The following EFNA2 variants were observed in gnomAD, a reference collection of about 807,000 sequenced individuals.
The protein encoded by EFNA2 is ephrin A2.
EFNA2 carries 18 observed loss-of-function variants against 19.7 expected under a neutral mutation model. That is an observed-to-expected ratio of 0.91 (90% CI 0.63 to 1.35). The LOEUF (loss-of-function observed/expected upper bound fraction) is 1.35, where lower values mean the gene tolerates loss of function less well. Ranked by LOEUF, EFNA2 falls within the 40% of genes most tolerant of loss-of-function variation. The pLI, the probability that EFNA2 is intolerant of heterozygous loss-of-function variation, is 0.00. For missense variants in EFNA2, 303 were observed against 296.0 expected, an observed-to-expected ratio of 1.02 and a Z score of -0.17; for synonymous variants, 187 against 137.8, an observed-to-expected ratio of 1.36 and a Z score of -2.50.
rs1361355961 is a variant in EFNA2 at position 1,286,189 on chromosome 19, G to A, written c.21G>A (p.Pro7=). The change falls in exon 1 of 4, where the codon CCG becomes CCA. Residue 7 remains proline, a synonymous_variant. Transcript: ENST00000215368. This position sits in a 1 kb window ranked among gnomAD's most constrained non-coding sequence, Gnocchi z 5.6. MAPAQR[P]LLPLLLLLLP... ...GGGCCATGGCGCCCGCGCAGCGCCC[G>A]CTGCTCCCGCTGCTGCTCCTGCTGT... The A allele has an allele frequency of 4.8e-6, 5 of 1,032,610 alleles. No homozygotes were observed. Among genetic ancestry groups the A allele is most frequent in the South Asian group, 3.2e-5 (1 of 30,924 alleles). 64.0% of individuals were successfully genotyped at this position (1,032,610 alleles called of 1,614,324 possible).
In EFNA2 at chr19:1,287,820, C is replaced by T. The variant is rs944060961; in HGVS notation, c.140+1512C>T. ...AAGTTTTTGGTTTCAGCTGCGGAATCTCCCGTCCCCAGCGTGGCCTGTCCT... is the reference window on the plus strand; with the variant it reads ...AAGTTTTTGGTTTCAGCTGCGGAATTTCCCGTCCCCAGCGTGGCCTGTCCT... On this transcript the variant is annotated intron_variant, in intron 1 of 3. Transcript: ENST00000215368. This position sits in a 1 kb window ranked among gnomAD's most constrained non-coding sequence, Gnocchi z 6.2. Among the ~76,000 whole-genome samples the T allele has an allele frequency of 2.0e-5, 3 of 152,276 alleles. No homozygotes were observed. The highest frequency in any genetic ancestry group is 4.4e-5 in the Non-Finnish European group (3 of 68,042).
chr19:1,295,870 C>A lies in EFNA2; in HGVS notation c.454+12C>A, dbSNP rs2081512243. The A allele has an allele frequency of 1.5e-6, 2 of 1,337,126 alleles. No homozygotes were observed. The highest frequency in any genetic ancestry group is 2.4e-5 in the Admixed American group (1 of 41,570). 82.8% of individuals were successfully genotyped at this position (1,337,126 alleles called of 1,614,324 possible). On this transcript the variant is annotated intron_variant, in intron 2 of 3. Coordinates refer to ENST00000215368, the MANE Select transcript of EFNA2 (RefSeq NM_001405.4). This position sits in a 1 kb window ranked among gnomAD's most constrained non-coding sequence, Gnocchi z 5.8. ...GTATTACTACATCTGTGAGTGGGGT[C>A]GGGCCGGGGCTGCCGGGGCCCGAGT...
At position 1,297,923 on chromosome 19, in the gene EFNA2, T is replaced by G. The variant is rs1272803981; in HGVS notation, c.455-628T>G. Among the ~76,000 whole-genome samples the G allele has an allele frequency of 6.6e-6, 1 of 151,710 alleles. No homozygotes were observed. Among genetic ancestry groups the G allele is most frequent in the Non-Finnish European group, 1.5e-5 (1 of 67,906 alleles). On this transcript the variant is annotated intron_variant, in intron 2 of 3. Transcript: ENST00000215368. The surrounding 1 kb of genome is among the most constrained non-coding windows in gnomAD (Gnocchi z 5.0). ...CCCGTTTCTACTAAAAATACAAAAA[T>G]TAGCCAGGCATGGTGGCACACATTT...
At chr19:1,290,222 C>T (rs749418240) in intron 1 of EFNA2, among the ~76,000 whole-genome samples, 3 of 152,116 alleles carry the variant, frequency 2.0e-5, no homozygotes, top group Non-Finnish European at 2.9e-5. Context: ...GAAGGGAAAC[C>T]GAGGCAGCTC....
At chr19:1,290,108 G>T (rs2081484502) in intron 1 of EFNA2, among the ~76,000 whole-genome samples, 1 of 152,094 alleles carries the variant, frequency 6.6e-6, no homozygotes, top group African/African-American at 2.4e-5. Flanking sequence ...GCTCTGCGAA[G>T]TGGGGGTGAC....
intron 1 of EFNA2, among the ~76,000 whole-genome samples, chr19:1,289,027 C>T (rs979590522): frequency 1.3e-5 from 2 of 152,262 alleles, no homozygotes; most frequent in African/African-American, 2.4e-5. Context: ...TGTGCATTCC[C>T]ACGGCTGCTC....
chr19:1,285,380 T>A (rs2081458430), upstream of EFNA2, among the ~76,000 whole-genome samples: 1 of 152,128 alleles, frequency 6.6e-6, no homozygotes, highest in South Asian at 2.1e-4. This position sits in a 1 kb window ranked among gnomAD's most constrained non-coding sequence, Gnocchi z 4.1. Flanking sequence ...AGGGACTTAC[T>A]CCATCCCCAG....
chr19:1,296,226 C>G lies in EFNA2; in HGVS notation c.454+368C>G, dbSNP rs897374426. Among the ~76,000 whole-genome samples, 1 of 152,206 alleles carries G rather than the reference C, an allele frequency of 6.6e-6. No homozygotes were observed. Among genetic ancestry groups the G allele is most frequent in the African/African-American group, 2.4e-5 (1 of 41,444 alleles). On this transcript the variant is annotated intron_variant, in intron 2 of 3. Coordinates refer to ENST00000215368, the MANE Select transcript of EFNA2 (RefSeq NM_001405.4). This position sits in a 1 kb window ranked among gnomAD's most constrained non-coding sequence, Gnocchi z 4.4. ...GGCTTGGAGGGGGACTGAGGCTGCA[C>G]TATTGTGATCTCGGGCCTCCAGCTC...
In EFNA2 at chr19:1,296,346, G is replaced by A. The variant is rs544457762; in HGVS notation, c.454+488G>A. ...CCAGCACACTGATGAGGGAAACTGA[G>A]GCATCCGGAGCCCAGCAGGGGAGGG... On this transcript the variant is annotated intron_variant, in intron 2 of 3. Coordinates refer to ENST00000215368, the MANE Select transcript of EFNA2 (RefSeq NM_001405.4). This position sits in a 1 kb window ranked among gnomAD's most constrained non-coding sequence, Gnocchi z 4.4. Among the ~76,000 whole-genome samples the A allele has an allele frequency of 1.3e-5, 2 of 152,296 alleles. No homozygotes were observed. Among genetic ancestry groups the A allele is most frequent in the Admixed American group, 6.5e-5 (1 of 15,300 alleles).
At chr19:1,299,731 G>A (rs575298084) in intron 3 of EFNA2, 93 bp from the exon 4 acceptor site, 3 of 1,456,960 alleles carry the variant, frequency 2.1e-6, no homozygotes, top group Admixed American at 2.3e-5. Context: ...TGATGAGCCC[G>A]TTGGGCAGAT....
In EFNA2 at chr19:1,286,097, C is replaced by A; in HGVS notation, c.-72C>A. On this transcript the variant is annotated 5_prime_UTR_variant, in exon 1 of 4. Transcript: ENST00000215368. This position sits in a 1 kb window ranked among gnomAD's most constrained non-coding sequence, Gnocchi z 5.6. ...CCGCCCGCCCGCTCGGCGGCGGCGG[C>A]GGCGGCGGAGGAGGCGGAGAAGGCT... The A allele has an allele frequency of 4.4e-6, 2 of 457,356 alleles. No homozygotes were observed. The highest frequency in any genetic ancestry group is 5.7e-6 in the Non-Finnish European group (2 of 349,908). The allele number at this position is 457,356 out of a possible 1,614,324, so 28.3% of individuals were successfully genotyped here. A position where few individuals can be genotyped will look rare whatever the true frequency, so the allele number is the denominator to read the frequency against.
rs1306741039 is a variant in EFNA2 at position 1,299,887 on chromosome 19, G to T, written c.584G>T (p.Gly195Val). ...AGCAATAACTCGTGTAGCAGCCCGG[G>T]CGGCTGCCGCCTCTTCCTCAGCACC... The part of the protein sequence containing the change: ...FTSNNSCSSP[G>V]GCRLFLSTIP... Residue 195 changes from glycine (G) to valine (V), a missense_variant, in exon 4 of 4, where the codon GGC (glycine) becomes GTC (valine). Transcript: ENST00000215368. 1 of 1,604,312 alleles carries T rather than the reference G, an allele frequency of 6.2e-7. No homozygotes were observed. The highest frequency in any genetic ancestry group is 2.2e-5 in the East Asian group (1 of 44,736).
chr19:1,294,062 G>A lies in EFNA2; in HGVS notation c.141-1483G>A, dbSNP rs569211146. Among the ~76,000 whole-genome samples the A allele has an allele frequency of 3.4e-3, 525 of 152,376 alleles. 3 individuals carry two copies. The highest frequency in any genetic ancestry group is 3.7e-3 in the Non-Finnish European group (249 of 68,028). On this transcript the variant is annotated intron_variant, in intron 1 of 3. Coordinates refer to ENST00000215368, the MANE Select transcript of EFNA2 (RefSeq NM_001405.4). This position sits in a 1 kb window ranked among gnomAD's most constrained non-coding sequence, Gnocchi z 5.8. ...CCGGGCTAGAGGCAGTGCCAGGGCCGGGATCGTAGCAGCCTGCACCCATGT... is the reference window on the plus strand; with the variant it reads ...CCGGGCTAGAGGCAGTGCCAGGGCCAGGATCGTAGCAGCCTGCACCCATGT...
chr19:1,295,872 G>T lies in EFNA2; in HGVS notation c.454+14G>T. The T allele has an allele frequency of 1.9e-6, 3 of 1,565,580 alleles. No homozygotes were observed. The highest frequency in any genetic ancestry group is 2.6e-6 in the Non-Finnish European group (3 of 1,163,588). On this transcript the variant is annotated intron_variant, in intron 2 of 3. Transcript: ENST00000215368. This position sits in a 1 kb window ranked among gnomAD's most constrained non-coding sequence, Gnocchi z 5.8. ...ATTACTACATCTGTGAGTGGGGTCG[G>T]GCCGGGGCTGCCGGGGCCCGAGTGG...
rs888278058 is a variant in EFNA2 at position 1,294,574 on chromosome 19, C to T, written c.141-971C>T. Among the ~76,000 whole-genome samples the T allele has an allele frequency of 7.2e-5, 11 of 151,818 alleles. No homozygotes were observed. In the East Asian group the frequency reaches 1.5e-3, roughly 21 times the overall value. Reference sequence around the variant, plus strand: ...CCAGATGTGAGAGGGTGGTATGGGGCTCGCAGGGTCACACAGGAAGGCAGG... The same window carrying T: ...CCAGATGTGAGAGGGTGGTATGGGGTTCGCAGGGTCACACAGGAAGGCAGG... On this transcript the variant is annotated intron_variant, in intron 1 of 3. Transcript: ENST00000215368. The surrounding 1 kb of genome is among the most constrained non-coding windows in gnomAD (Gnocchi z 5.8).
At chr19:1,298,479 GGGAGTACAGCCCCA>G in intron 2 of EFNA2, 58 bp from the exon 3 acceptor site, 1 of 1,515,672 alleles carries the variant, frequency 6.6e-7, no homozygotes, top group Non-Finnish European at 9.1e-7. Flanking sequence ...AGGTGGGGAA[GGGAGTACAGCCCCA>G]GGAGGTCTCA....
In EFNA2 at chr19:1,294,387, G is replaced by A. The variant is rs2081504794; in HGVS notation, c.141-1158G>A. ...TCCTCACAGACGAGGCTGGGTCAGG[G>A]GGCTCCCTGGAGGAAGGGGCCTGTG... On this transcript the variant is annotated intron_variant, in intron 1 of 3. Coordinates refer to ENST00000215368, the MANE Select transcript of EFNA2 (RefSeq NM_001405.4). This position sits in a 1 kb window ranked among gnomAD's most constrained non-coding sequence, Gnocchi z 5.8. Among the ~76,000 whole-genome samples, 1 of 152,206 alleles carries A rather than the reference G, an allele frequency of 6.6e-6. No individual in the cohort carries two copies. Among genetic ancestry groups the A allele is most frequent in the Non-Finnish European group, 1.5e-5 (1 of 68,040 alleles).
At position 1,286,425 on chromosome 19, in the gene EFNA2, G is replaced by A. The variant is rs2081465224; in HGVS notation, c.140+117G>A. The A allele has an allele frequency of 3.3e-6, 1 of 306,120 alleles. No homozygotes were observed. The highest frequency in any genetic ancestry group is 1.3e-4 in the South Asian group (1 of 7,944). 19.0% of individuals were successfully genotyped at this position (306,120 alleles called of 1,614,324 possible). A position where few individuals can be genotyped will look rare whatever the true frequency, so the allele number is the denominator to read the frequency against. On this transcript the variant is annotated intron_variant, in intron 1 of 3. Transcript: ENST00000215368. This position sits in a 1 kb window ranked among gnomAD's most constrained non-coding sequence, Gnocchi z 5.6. Reference sequence around the variant, plus strand: ...CCCACGCGCGCGCCGCCGCCGGGATGCGGGCGCCCGGTTCCCGCGGGAGCC... The same window carrying A: ...CCCACGCGCGCGCCGCCGCCGGGATACGGGCGCCCGGTTCCCGCGGGAGCC...
chr19:1,289,064 A>G (rs1600055081), intron 1 of EFNA2, among the ~76,000 whole-genome samples: 1 of 152,128 alleles, frequency 6.6e-6, no homozygotes, highest in Non-Finnish European at 1.5e-5. Flanking sequence ...AGCGGTGGGG[A>G]AGGGTGGCGT....
Sources: gnomAD v4.1 joint callset for allele counts (sites outside exome capture counted in the v4.1 genomes callset) on GRCh38, gnomAD v4.1.1 for gene constraint, Gnocchi (gnomAD v3.1) non-coding constraint, MANE v1.5 for transcripts, NCBI Gene and HGNC (gene_info 2026-07-23, HGNC 2026-07-21) for gene names.